Variants in ADGRF5 observed in about 807,000 individuals in gnomAD.
ADGRF5 encodes G-protein coupled receptor 116.
ADGRF5 carries 75 observed loss-of-function variants against 132.3 expected under a neutral mutation model. The ratio of observed to expected loss-of-function variants is 0.57; its 90% CI spans 0.47 to 0.69. ADGRF5 has a LOEUF of 0.69. ADGRF5 is among the 30% of genes least tolerant of loss of function. The pLI is 0.00. For synonymous variants in ADGRF5, 629 were observed against 597.6 expected, an observed-to-expected ratio of 1.05 and a Z score of -0.77; for missense variants, 1,516 against 1,630.6, an observed-to-expected ratio of 0.93 and a Z score of 1.21.
In ADGRF5 at chr6:46,855,938, T is replaced by C. The variant is rs1355648270; in HGVS notation, c.3961+36A>G. 4.9e-6 allele frequency: 6 copies of C among 1,235,926 alleles called. No individual in the cohort carries two copies. In the South Asian group the frequency reaches 6.1e-5, roughly 13 times the overall value. The allele number at this position is 1,235,926 out of a possible 1,614,324, so 76.6% of individuals were successfully genotyped here. A position where few individuals can be genotyped will look rare whatever the true frequency, so the allele number is the denominator to read the frequency against. On this transcript the variant is annotated intron_variant, in intron 20 of 20. Transcript: ENST00000283296. Reference sequence around the variant, plus strand: ...GCTCCCCATTTGAGCAAATGTGTTCTGGACAAGCAGGGAGAAACTGGAGGC... The same window carrying C: ...GCTCCCCATTTGAGCAAATGTGTTCCGGACAAGCAGGGAGAAACTGGAGGC...
intron 1 of ADGRF5, among the ~76,000 whole-genome samples, chr6:46,939,594 AT>A (rs1303984795): frequency 6.6e-6 from 1 of 152,182 alleles, no homozygotes; most frequent in African/African-American, 2.4e-5. Flanking sequence ...AATTTCAATT[AT>A]TTTTAGTAGC....
In ADGRF5 at chr6:46,949,305, T is replaced by A. The variant is rs149903910; in HGVS notation, c.-25+5429A>T. On this transcript the variant is annotated intron_variant, in intron 1 of 20. Coordinates refer to the ADGRF5 transcript ENST00000265417. ...AAGCATGGTCAGAAACATGTGAGGG[T>A]CCAGAACTGCAAGTTCTTTGAGTCC... 4.9e-3 allele frequency among the ~76,000 whole-genome samples: 742 copies of A among 152,288 alleles called. 2 individuals are homozygous for A. The highest frequency in any genetic ancestry group is 8.6e-3 in the Non-Finnish European group (583 of 68,014).
intron 1 of ADGRF5, among the ~76,000 whole-genome samples, chr6:46,930,975 G>A (rs1379881569): frequency 1.3e-5 from 2 of 152,126 alleles, no homozygotes; most frequent in Non-Finnish European, 2.9e-5. Flanking sequence ...GATCACTTAA[G>A]CCTGGGAAGT....
At chr6:46,897,026 T>C (rs1467199847) in intron 3 of ADGRF5, among the ~76,000 whole-genome samples, 2 of 152,036 alleles carry the variant, frequency 1.3e-5, no homozygotes, top group East Asian at 3.9e-4. Context: ...TTTTGGTATC[T>C]GAGGGGTTCC....
chr6:46,888,052 T>TC (rs1581858707), intron 4 of ADGRF5: 13 of 303,726 alleles, frequency 4.3e-5, no homozygotes, highest in South Asian at 1.1e-4. Context: ...CAGTAGTTTA[T>TC]TATGAAGGAC....
intron 2 of ADGRF5, among the ~76,000 whole-genome samples, chr6:46,904,284 A>G (rs550361860): frequency 6.6e-6 from 1 of 152,362 alleles, no homozygotes; most frequent in South Asian, 2.1e-4. Flanking sequence ...AATGGCCAAG[A>G]GGTGGAAGCA....
chr6:46,896,194 C>A (rs1179171619), intron 3 of ADGRF5, among the ~76,000 whole-genome samples: 2 of 152,142 alleles, frequency 1.3e-5, no homozygotes, highest in Non-Finnish European at 2.9e-5. Flanking sequence ...GTTCATCAGT[C>A]ACCTCTCTGT....
chr6:46,872,632 TC>T (rs770532571), intron 10 of ADGRF5, among the ~76,000 whole-genome samples: 3 of 152,092 alleles, frequency 2.0e-5, no homozygotes, highest in Non-Finnish European at 2.9e-5. Context: ...ACCAGCAGCT[TC>T]CCCTTCAAAA....
intron 1 of ADGRF5, among the ~76,000 whole-genome samples, chr6:46,952,535 C>T (rs1367156893): frequency 2.0e-5 from 3 of 152,164 alleles, no homozygotes; most frequent in African/African-American, 4.8e-5. Flanking sequence ...AGGCATGGCA[C>T]ATGGAAAGTA....
chr6:46,936,812 G>A (rs1022693255), intron 1 of ADGRF5, among the ~76,000 whole-genome samples: 13 of 152,128 alleles, frequency 8.5e-5, no homozygotes, highest in African/African-American at 2.9e-4. Flanking sequence ...AGATCCCAGC[G>A]GGAGGTTGTA....
rs3030417 is a variant in ADGRF5 at position 46,948,475 on chromosome 6, AGTGTGTGTGTGTGT to A, written c.-25+6245_-25+6258del. The stretch of plus-strand genomic sequence containing the variant: ...CAGGTATCTGATACTTGCTCTAGTG[AGTGTGTGTGTGTGT>A]GTGTGTGTGTGTGTGTGTGTGTGTG... On this transcript the variant is annotated intron_variant, in intron 1 of 20. Transcript: ENST00000265417. 6.1e-4 allele frequency among the ~76,000 whole-genome samples: 88 copies of A among 143,378 alleles called. No homozygotes were observed. In the South Asian group the frequency reaches 7.7e-3, roughly 13 times the overall value. 94.1% of individuals were successfully genotyped at this position (143,378 alleles called of 152,430 possible).
At chr6:46,948,146 G>A (rs1011046677) in intron 1 of ADGRF5, among the ~76,000 whole-genome samples, 1 of 152,200 alleles carries the variant, frequency 6.6e-6, no homozygotes, top group African/African-American at 2.4e-5. Flanking sequence ...AGCTTTGCTT[G>A]TAAAGTGTGC....
chr6:46,948,715 T>C (rs1466956352), intron 1 of ADGRF5, among the ~76,000 whole-genome samples: 1 of 152,208 alleles, frequency 6.6e-6, no homozygotes, highest in Non-Finnish European at 1.5e-5. Context: ...ACGCTTTACT[T>C]TTGAATTGCC....
intron 8 of ADGRF5, among the ~76,000 whole-genome samples, chr6:46,880,552 G>A (rs1272603077): frequency 6.6e-6 from 1 of 152,112 alleles, no homozygotes; most frequent in Non-Finnish European, 1.5e-5. Flanking sequence ...TAATACTCAT[G>A]GACCTCTTTA....
intron 6 of ADGRF5, among the ~76,000 whole-genome samples, chr6:46,882,690 C>T (rs926485928): frequency 5.3e-5 from 8 of 152,228 alleles, no homozygotes; most frequent in African/African-American, 1.7e-4. Context: ...CTCTCTCTTT[C>T]AAAGCATATA....
intron 2 of ADGRF5, chr6:46,903,448 C>T (rs1328965): frequency 0.32 from 49,037 of 152,020 alleles, 8,612 homozygotes; most frequent in African/African-American, 0.45. Flanking sequence ...GACATGATGA[C>T]TTCACAAATA....
chr6:46,934,332 A>C (rs76455144), intron 1 of ADGRF5, among the ~76,000 whole-genome samples: 5,694 of 152,290 alleles, frequency 0.037, 153 homozygotes, highest in Non-Finnish European at 0.055. Flanking sequence ...TGACACTTGG[A>C]CCAGATCTTT....
chr6:46,938,068 A>G (rs2150941062), intron 1 of ADGRF5, among the ~76,000 whole-genome samples: 1 of 152,346 alleles, frequency 6.6e-6, no homozygotes, highest in South Asian at 2.1e-4. Context: ...AATACCAGAA[A>G]TGTTTCCTAT....
At chr6:46,919,966 G>A (rs537576811) in intron 1 of ADGRF5, among the ~76,000 whole-genome samples, 2 of 152,220 alleles carry the variant, frequency 1.3e-5, no homozygotes, top group Non-Finnish European at 2.9e-5. Context: ...TTGGTGGGGA[G>A]GGGAAGGCCA....
Sources: gnomAD v4.1 joint callset for allele counts (sites outside exome capture counted in the v4.1 genomes callset) on GRCh38, gnomAD v4.1.1 for gene constraint, MANE v1.5 for transcripts, NCBI Gene and HGNC (gene_info 2026-07-23, HGNC 2026-07-21) for gene names.